PKP4: variants seen among roughly 807,000 people sequenced by gnomAD.
The protein encoded by PKP4 is plakophilin 4, also known as plakophilin-4.
PKP4 carries 90 observed loss-of-function variants against 145.1 expected under a neutral mutation model. The observed-to-expected ratio is 0.62, with a 90% CI of 0.52 to 0.74. The LOEUF is 0.74. PKP4 is among the 30% of genes least tolerant of loss of function. PKP4 has a pLI of 0.00. For synonymous variants in PKP4, 563 were observed against 577.2 expected, an observed-to-expected ratio of 0.98 and a Z score of 0.35; for missense variants, 1,340 against 1,482.7, an observed-to-expected ratio of 0.90 and a Z score of 1.58.
chr2:158,674,059 C>T, intron 19 of PKP4, 59 bp downstream of exon 19: 1 of 946,116 alleles, frequency 1.1e-6, no homozygotes, highest in East Asian at 2.4e-5. Flanking sequence ...CATTGTTCCC[C>T]AGCCAGAGAA....
rs375161478 is a variant in PKP4, at chr2:158,672,275, A to T, written c.2925-1402A>T. Among the ~76,000 whole-genome samples, 12 of 152,242 alleles carry T rather than the reference A, an allele frequency of 7.9e-5. 2 individuals are homozygous for T. Among genetic ancestry groups the T allele is most frequent in the Admixed American group, 6.5e-4 (10 of 15,280 alleles). On this transcript the variant is annotated intron_variant, in intron 17 of 21. Coordinates refer to ENST00000389759, the MANE Select transcript of PKP4 (RefSeq NM_003628.6). The stretch of plus-strand genomic sequence containing the variant: ...TGGTGGAAATTAGAGATGCAAGTAC[A>T]TAACTCTTTCAAGGAGTTTTGCTGC...
chr2:158,460,744 C>T (rs1221136233), intron 1 of PKP4, among the ~76,000 whole-genome samples: 4 of 152,064 alleles, frequency 2.6e-5, no homozygotes, highest in South Asian at 4.1e-4. Flanking sequence ...GCATAAATGC[C>T]TATGGTATTG....
chr2:158,495,089 G>A (rs1412109489), intron 1 of PKP4, among the ~76,000 whole-genome samples: 1 of 151,740 alleles, frequency 6.6e-6, no homozygotes, highest in Non-Finnish European at 1.5e-5. Context: ...ACGGTGGCGG[G>A]CATCTGTAAT....
chr2:158,615,924 A>C (rs762107642), intron 4 of PKP4, among the ~76,000 whole-genome samples: 1 of 152,216 alleles, frequency 6.6e-6, no homozygotes, highest in South Asian at 2.1e-4. Flanking sequence ...ATAAATATGC[A>C]CAAGACCCAA....
intron 4 of PKP4, among the ~76,000 whole-genome samples, chr2:158,613,191 G>A (rs765488297): frequency 2.0e-5 from 3 of 152,112 alleles, no homozygotes; most frequent in Non-Finnish European, 4.4e-5. Flanking sequence ...GGGGTTTAAC[G>A]AGTCCCCAGG....
intron 16 of PKP4, among the ~76,000 whole-genome samples, chr2:158,668,017 C>T (rs558876743): frequency 6.6e-6 from 1 of 152,214 alleles, no homozygotes; most frequent in Non-Finnish European, 1.5e-5. Context: ...CACAGGTAGA[C>T]AGGAGTCCTT....
At chr2:158,567,713 A>G (rs1019661745) in intron 2 of PKP4, among the ~76,000 whole-genome samples, 1 of 152,234 alleles carries the variant, frequency 6.6e-6, no homozygotes, top group Non-Finnish European at 1.5e-5. Context: ...GTTGGCAAAC[A>G]TATCAGGAAA....
intron 1 of PKP4, among the ~76,000 whole-genome samples, chr2:158,532,919 A>G (rs1188209438): frequency 6.6e-6 from 1 of 152,150 alleles, no homozygotes; most frequent in Non-Finnish European, 1.5e-5. Context: ...GTCAGTTAAC[A>G]TTTGTAGATG....
At chr2:158,509,016 A>G (rs1331405618) in intron 1 of PKP4, among the ~76,000 whole-genome samples, 2 of 152,218 alleles carry the variant, frequency 1.3e-5, no homozygotes, top group African/African-American at 4.8e-5. Context: ...AGAAATATCT[A>G]CCTATCAGTG....
intron 1 of PKP4, among the ~76,000 whole-genome samples, chr2:158,458,807 G>T (rs1181704659): frequency 6.6e-6 from 1 of 152,084 alleles, no homozygotes; most frequent in African/African-American, 2.4e-5. Context: ...GAACTGTCTG[G>T]TACAGTTAAA....
At chr2:158,496,289 T>C (rs1359929872) in intron 1 of PKP4, among the ~76,000 whole-genome samples, 1 of 152,186 alleles carries the variant, frequency 6.6e-6, no homozygotes, top group Admixed American at 6.5e-5. Context: ...CCCAAAAATA[T>C]TTTAAATAGA....
At chr2:158,643,894 T>G (rs989940924) in intron 11 of PKP4, among the ~76,000 whole-genome samples, 2 of 152,008 alleles carry the variant, frequency 1.3e-5, no homozygotes, top group Admixed American at 6.6e-5. Context: ...GCCTCCTGAG[T>G]AACTGGGATT....
intron 1 of PKP4, among the ~76,000 whole-genome samples, chr2:158,475,150 T>C (rs1284276790): frequency 2.0e-5 from 3 of 152,208 alleles, no homozygotes; most frequent in Admixed American, 1.3e-4. Context: ...CTCTGCTCTT[T>C]CTACTAGAAG....
At chr2:158,584,176 C>G (rs1376107861) in intron 3 of PKP4, among the ~76,000 whole-genome samples, 3 of 152,320 alleles carry the variant, frequency 2.0e-5, no homozygotes, top group Admixed American at 2.0e-4. Flanking sequence ...GTCTGTGGCC[C>G]TGCTGTATGG....
At position 158,676,695 on chromosome 2, in the gene PKP4, C is replaced by A. The variant is rs879640737; in HGVS notation, c.3128-44C>A. On this transcript the variant is annotated intron_variant, in intron 19 of 21. Coordinates refer to ENST00000389759, the MANE Select transcript of PKP4 (RefSeq NM_003628.6). ...TTTCCACAGATACTGATGCTGATTT[C>A]TCTTTCTACCCCTCTTTCTCTCCTC... 3.7e-6 allele frequency: 6 copies of A among 1,611,766 alleles called. No individual in the cohort carries two copies. The South Asian group carries it at 5.5e-5, about 15-fold the overall frequency.
intron 1 of PKP4, among the ~76,000 whole-genome samples, chr2:158,530,576 T>C (rs2043444998): frequency 6.7e-6 from 1 of 148,972 alleles, no homozygotes; most frequent in South Asian, 2.1e-4. Context: ...CAGTCTTAGC[T>C]TGATACTTTC....
In PKP4 at chr2:158,656,153, G is replaced by A. The variant is rs541844845; in HGVS notation, c.1910-1978G>A. 9.2e-5 allele frequency among the ~76,000 whole-genome samples: 14 copies of A among 152,268 alleles called. No homozygotes were observed. In the South Asian group the frequency reaches 2.9e-3, roughly 32 times the overall value. The stretch of plus-strand genomic sequence containing the variant: ...GAGTCAATTGAGGTGGGGATCTGGA[G>A]CCTTACGACCAATTCTTCCTCAGTT... On this transcript the variant is annotated intron_variant, in intron 11 of 21. Transcript: ENST00000389759.
chr2:158,621,810 A>G (rs2052294386), intron 6 of PKP4, among the ~76,000 whole-genome samples: 1 of 152,130 alleles, frequency 6.6e-6, no homozygotes, highest in Non-Finnish European at 1.5e-5. Flanking sequence ...TGTTATAGGT[A>G]TTTCTTATTA....
At chr2:158,648,465 A>G (rs1324284087) in intron 11 of PKP4, among the ~76,000 whole-genome samples, 1 of 152,234 alleles carries the variant, frequency 6.6e-6, no homozygotes, top group Non-Finnish European at 1.5e-5. Flanking sequence ...CTTAGTGGAC[A>G]TGCCTTTTGG....
Sources: allele counts gnomAD v4.1 joint callset (sites outside exome capture counted in the v4.1 genomes callset), GRCh38; gene constraint gnomAD v4.1.1; transcripts MANE v1.5; gene names NCBI Gene and HGNC (gene_info 2026-07-23, HGNC 2026-07-21).